Variants in TTLL5 observed in about 807,000 individuals in gnomAD.
The protein encoded by TTLL5 is tubulin tyrosine ligase like 5.
Under a neutral mutation model 168.4 loss-of-function variants are expected in TTLL5, and 132 were observed. That is an observed-to-expected ratio of 0.78 (90% confidence interval 0.68 to 0.91). The LOEUF (loss-of-function observed/expected upper bound fraction) is 0.91, where lower values mean the gene tolerates loss of function less well. Ranked by LOEUF, TTLL5 falls within the 40% of genes least tolerant of loss-of-function variation. The pLI is 0.00. For synonymous variants in TTLL5, 546 were observed against 558.6 expected (o/e 0.98, Z 0.32); for missense variants, 1,545 against 1,581.5 (o/e 0.98, Z 0.39).
intron 4 of TTLL5, 105 bp from the exon 5 acceptor site, chr14:75,683,443 TAC>T: frequency 1.1e-6 from 1 of 880,074 alleles, no homozygotes; most frequent in Non-Finnish European, 1.9e-6. Context: ...CCCCGGTGAG[TAC>T]ACTGTGGATG....
At chr14:75,676,390 G>T (rs568795170) in intron 3 of TTLL5, among the ~76,000 whole-genome samples, 3 of 152,152 alleles carry the variant, frequency 2.0e-5, no homozygotes, top group Non-Finnish European at 4.4e-5. Context: ...TTATTTTGAA[G>T]CATCGTGAGT....
intron 28 of TTLL5, chr14:75,838,628 G>C (rs761677377): frequency 2.0e-5 from 3 of 152,334 alleles, no homozygotes; most frequent in Admixed American, 6.5e-5. Context: ...TTGCTCAGAG[G>C]GTGGTGCAAC....
intron 7 of TTLL5, among the ~76,000 whole-genome samples, chr14:75,701,545 C>G (rs1886276101): frequency 6.6e-6 from 1 of 152,188 alleles, no homozygotes; most frequent in Admixed American, 6.5e-5. Context: ...TCCCCTTCCA[C>G]CTTGCCAAAA....
At chr14:75,729,573 C>T (rs1339843724) in intron 12 of TTLL5, among the ~76,000 whole-genome samples, 1 of 152,130 alleles carries the variant, frequency 6.6e-6, no homozygotes, top group Admixed American at 6.6e-5. Context: ...ACCCCATTCC[C>T]CCCACCAATG....
chr14:75,814,412 A>T (rs1894256375), intron 27 of TTLL5: 1 of 152,214 alleles, frequency 6.6e-6, no homozygotes, highest in Admixed American at 6.5e-5. Flanking sequence ...AGAAATGTAG[A>T]TGGATAGAGA....
intron 31 of TTLL5, among the ~76,000 whole-genome samples, chr14:75,912,477 G>A (rs929964875): frequency 1.3e-5 from 2 of 152,106 alleles, no homozygotes; most frequent in Admixed American, 6.5e-5. Flanking sequence ...AAAACCACAT[G>A]CAATAAAATA....
intron 9 of TTLL5, chr14:75,712,578 A>T (rs1233295234): frequency 6.6e-6 from 1 of 150,970 alleles, no homozygotes; most frequent in Admixed American, 6.6e-5. Context: ...AAGAGAGTTT[A>T]AAAGATCCCA....
chr14:75,922,613 C>T (rs901983157), intron 31 of TTLL5, among the ~76,000 whole-genome samples: 1 of 152,204 alleles, frequency 6.6e-6, no homozygotes, highest in African/African-American at 2.4e-5. Context: ...TTTTGATGTG[C>T]TGCTGGATTC....
chr14:75,678,335 G>C (rs541145035), intron 3 of TTLL5, among the ~76,000 whole-genome samples: 1 of 152,282 alleles, frequency 6.6e-6, no homozygotes, highest in Non-Finnish European at 1.5e-5. Context: ...AATATTGCAT[G>C]CCCTAATACA....
Position 75,775,631 on chromosome 14 carries a change from G to C in TTLL5, c.2283+1G>C, listed in dbSNP as rs1566599141. ...TGACTTTATCATTGTATACAACAAG[G>C]TAAGTCTTTTTCTGTTAGTCTTGTG... On this transcript the variant is annotated splice_donor_variant, in intron 22 of 31. Coordinates refer to ENST00000298832, the MANE Select transcript of TTLL5 (RefSeq NM_015072.5). LOFTEE classifies it high-confidence loss of function. 1 of 1,613,818 alleles carries C rather than the reference G, an allele frequency of 6.2e-7. No individual in the cohort carries two copies. The highest frequency in any genetic ancestry group is 8.5e-7 in the Non-Finnish European group (1 of 1,179,902).
At chr14:75,836,241 A>C (rs1895860564) in intron 28 of TTLL5, among the ~76,000 whole-genome samples, 1 of 152,214 alleles carries the variant, frequency 6.6e-6, no homozygotes, top group Non-Finnish European at 1.5e-5. Flanking sequence ...CATTTGCAAC[A>C]ACATGATGGA....
chr14:75,888,019 A>G (rs1306859563), intron 30 of TTLL5, among the ~76,000 whole-genome samples: 2 of 152,136 alleles, frequency 1.3e-5, no homozygotes, highest in Non-Finnish European at 2.9e-5. Flanking sequence ...TGAAAGGGAA[A>G]CCTGGAATAC....
intron 28 of TTLL5, among the ~76,000 whole-genome samples, chr14:75,831,205 G>T (rs970938858): frequency 6.6e-6 from 1 of 152,104 alleles, no homozygotes; most frequent in African/African-American, 2.4e-5. Context: ...TTCTAAGAAA[G>T]GTACATTGTT....
At chr14:75,938,302 T>G (rs1394017371) in intron 31 of TTLL5, among the ~76,000 whole-genome samples, 1 of 152,200 alleles carries the variant, frequency 6.6e-6, no homozygotes, top group East Asian at 1.9e-4. Context: ...GTTAAAACTG[T>G]GAGTGGATGC....
At chr14:75,758,763 G>T (rs1031385609) in intron 18 of TTLL5, among the ~76,000 whole-genome samples, 3 of 152,196 alleles carry the variant, frequency 2.0e-5, no homozygotes, top group African/African-American at 7.2e-5. Flanking sequence ...TCACATATTT[G>T]GGAATTAAAC....
chr14:75,898,060 T>C (rs1460654127), intron 30 of TTLL5, among the ~76,000 whole-genome samples: 1 of 152,250 alleles, frequency 6.6e-6, no homozygotes, highest in East Asian at 1.9e-4. Context: ...TCTTGATACT[T>C]CTATAACTCC....
chr14:75,764,884 C>G, intron 19 of TTLL5, 112 bp downstream of exon 19: 1 of 1,217,304 alleles, frequency 8.2e-7, no homozygotes, highest in Middle Eastern at 2.9e-4. Flanking sequence ...TCACATACAC[C>G]TTTTTTATAT....
At chr14:75,683,772 A>G (rs1884806890) in intron 5 of TTLL5, 116 bp downstream of exon 5, 2 of 742,086 alleles carry the variant, frequency 2.7e-6, no homozygotes, top group East Asian at 6.0e-5. Flanking sequence ...AAGAAGAAGA[A>G]GGACTTTTTT....
chr14:75,779,427 T>G, intron 23 of TTLL5, 148 bp from the exon 24 acceptor site: 1 of 1,098,468 alleles, frequency 9.1e-7, no homozygotes, highest in Non-Finnish European at 1.3e-6. Flanking sequence ...CATTTATATT[T>G]TATTTTAACC....
Sources: gnomAD v4.1 joint callset for allele counts (sites outside exome capture counted in the v4.1 genomes callset) on GRCh38, gnomAD v4.1.1 for gene constraint, MANE v1.5 for transcripts, NCBI Gene and HGNC (gene_info 2026-07-23, HGNC 2026-07-21) for gene names.